The following LRRC17 variants were observed in gnomAD, a reference collection of about 807,000 sequenced individuals.
The protein encoded by LRRC17 is leucine rich repeat containing 17, also known as leucine-rich repeat-containing protein 17.
Under a neutral mutation model 41.5 loss-of-function variants are expected in LRRC17, and 33 were observed. That is an observed-to-expected ratio of 0.80 (90% CI 0.60 to 1.06). The LOEUF is 1.06. Among genes scored for constraint, LRRC17 ranks in the 50% least tolerant of loss-of-function variants. The pLI, the probability that LRRC17 is intolerant of heterozygous loss-of-function variation, is 0.00. For synonymous variants in LRRC17, 192 were observed against 197.0 expected, an observed-to-expected ratio of 0.97 and a Z score of 0.21; for missense variants, 491 against 519.3, an observed-to-expected ratio of 0.95 and a Z score of 0.53.
intron 1 of LRRC17, chr7:102,926,441 T>C (rs1563102226): frequency 8.1e-7 from 1 of 1,232,366 alleles, no homozygotes; most frequent in Non-Finnish European, 1.2e-6. Flanking sequence ...CCCATTATCT[T>C]TCTATTATCC....
chr7:102,926,664 G>A (rs1356504359), intron 1 of LRRC17, among the ~76,000 whole-genome samples: 2 of 152,068 alleles, frequency 1.3e-5, no homozygotes, highest in African/African-American at 4.8e-5. Flanking sequence ...TCTGTCACAC[G>A]AAATTTGAGC....
intron 1 of LRRC17, among the ~76,000 whole-genome samples, chr7:102,931,145 A>C (rs1225277052): frequency 6.6e-6 from 1 of 152,202 alleles, no homozygotes; most frequent in African/African-American, 2.4e-5. Context: ...TTGGGGACAA[A>C]GGGAAAGGGC....
At chr7:102,920,541 G>A (rs533851418) in intron 1 of LRRC17, among the ~76,000 whole-genome samples, 7 of 152,056 alleles carry the variant, frequency 4.6e-5, no homozygotes, top group Admixed American at 1.3e-4. Flanking sequence ...TGTAGAGATG[G>A]AGTTTTACCA....
chr7:102,913,249 T>C lies in LRRC17; in HGVS notation c.-141+104T>C, dbSNP rs768385348. The stretch of plus-strand genomic sequence containing the variant: ...ACAAAAGAGAGGAAGGAAAGTATTA[T>C]ACTTCCGTTGTTCTCTCAAATCTTT... On this transcript the variant is annotated intron_variant, in intron 1 of 3. Transcript: ENST00000339431. 2.8e-5 allele frequency: 45 copies of C among 1,612,930 alleles called. No individual in the cohort carries two copies. In the East Asian group the frequency reaches 4.5e-4, roughly 16 times the overall value.
intron 1 of LRRC17, chr7:102,931,908 C>G: frequency 1.9e-6 from 3 of 1,613,590 alleles, no homozygotes; most frequent in Non-Finnish European, 2.5e-6. Context: ...CAGAGACATT[C>G]AACTCTTGCA....
At chr7:102,933,746 T>G (rs999580310) in intron 1 of LRRC17, 28 bp from the exon 2 acceptor site, 28 of 632,738 alleles carry the variant, frequency 4.4e-5, no homozygotes, top group Non-Finnish European at 7.0e-5. Context: ...GGGCCTTAAT[T>G]TTTAATATAT....
chr7:102,922,647 T>G (rs2129471115), intron 1 of LRRC17, among the ~76,000 whole-genome samples: 1 of 152,308 alleles, frequency 6.6e-6, no homozygotes, highest in South Asian at 2.1e-4. Flanking sequence ...ATGAAACTCT[T>G]ATAAATGTAG....
chr7:102,944,337 G>A lies in LRRC17; in HGVS notation c.1056G>A (p.Trp352Ter), dbSNP rs773678508. The A allele has an allele frequency of 6.8e-6, 11 of 1,614,054 alleles. No homozygotes were observed. The highest frequency in any genetic ancestry group is 9.3e-6 in the Non-Finnish European group (11 of 1,179,964). The change falls in exon 4 of 4, where the codon TGG becomes TGA. Residue 352 changes from tryptophan to a stop codon, truncating the protein, a stop_gained. Transcript: ENST00000339431. LOFTEE classifies it high-confidence loss of function. The part of the protein sequence containing the change: ...LKLLWLRDNP[W>*]RCDYNIHYLY... The stretch of plus-strand genomic sequence containing the variant: ...TCTTGTGGCTCAGAGATAACCCTTG[G>A]AGATGTGACTACAACATTCACTACC...
At chr7:102,926,163 C>T in intron 1 of LRRC17, 3 of 796,084 alleles carry the variant, frequency 3.8e-6, no homozygotes, top group South Asian at 3.6e-5. Flanking sequence ...AGCAGTGCCA[C>T]AGTGGTGGGG....
intron 1 of LRRC17, among the ~76,000 whole-genome samples, chr7:102,921,030 T>C (rs1177018847): frequency 3.3e-5 from 5 of 152,014 alleles, no homozygotes; most frequent in African/African-American, 9.7e-5. Context: ...CGGGCACCTG[T>C]AATCCCAGCT....
chr7:102,925,897 T>A (rs1232505757), intron 1 of LRRC17, among the ~76,000 whole-genome samples: 4 of 142,706 alleles, frequency 2.8e-5, no homozygotes, highest in Non-Finnish European at 6.0e-5. Context: ...GCTAAGATCA[T>A]GCCACTGCAC....
chr7:102,918,813 T>A (rs1191912490), intron 1 of LRRC17, among the ~76,000 whole-genome samples: 1 of 152,190 alleles, frequency 6.6e-6, no homozygotes, highest in Non-Finnish European at 1.5e-5. Flanking sequence ...ACTTTGTAAG[T>A]TCAGATTTTC....
chr7:102,917,809 GC>G lies in LRRC17; in HGVS notation c.-141+4666del, dbSNP rs561678174. Reference sequence around the variant, plus strand: ...AGAGGCAGCACCACCAGGATACTGTGCCAAATGAGGTGCTGAGAGTGCCACC... The same window carrying G: ...AGAGGCAGCACCACCAGGATACTGTGCAAATGAGGTGCTGAGAGTGCCACC... On this transcript the variant is annotated intron_variant, in intron 1 of 3. Coordinates refer to ENST00000339431, the MANE Select transcript of LRRC17 (RefSeq NM_001031692.3). 3.3e-5 allele frequency among the ~76,000 whole-genome samples: 5 copies of G among 152,326 alleles called. No individual in the cohort carries two copies. The East Asian group carries it at 9.6e-4, about 29-fold the overall frequency.
intron 3 of LRRC17, chr7:102,942,443 C>A: frequency 1.9e-6 from 2 of 1,045,666 alleles, no homozygotes; most frequent in Non-Finnish European, 2.7e-6. Flanking sequence ...AAGAAGATAC[C>A]CTACTAGGGG....
Position 102,933,758 on chromosome 7 carries a change from T to G in LRRC17, c.-140-16T>G, listed in dbSNP as rs1819678216. The G allele has an allele frequency of 1.5e-6, 1 of 669,830 alleles. No homozygotes were observed. The highest frequency in any genetic ancestry group is 3.2e-5 in the Admixed American group (1 of 31,206). 41.5% of individuals were successfully genotyped at this position (669,830 alleles called of 1,614,324 possible). On this transcript the variant is annotated splice_polypyrimidine_tract_variant and intron_variant, in intron 1 of 3. Coordinates refer to ENST00000339431, the MANE Select transcript of LRRC17 (RefSeq NM_001031692.3). ...AATGGGCCTTAATTTTTAATATATA[T>G]TTTTTTCTCTTCCAGCCTAGGGACT...
intron 1 of LRRC17, among the ~76,000 whole-genome samples, chr7:102,923,598 G>A (rs1242516871): frequency 1.3e-5 from 2 of 152,014 alleles, no homozygotes; most frequent in Non-Finnish European, 2.9e-5. Flanking sequence ...TGAGGCAGGC[G>A]GATCACGAGG....
intron 2 of LRRC17, among the ~76,000 whole-genome samples, chr7:102,935,257 T>C (rs1187736003): frequency 1.5e-5 from 2 of 133,472 alleles, no homozygotes; most frequent in Non-Finnish European, 3.2e-5. Flanking sequence ...TTTTTTTTTT[T>C]TTTTTTTTTT....
At chr7:102,935,242 C>CTTTTTTT (rs71106700) in intron 2 of LRRC17, among the ~76,000 whole-genome samples, 6 of 76,402 alleles carry the variant, frequency 7.9e-5, no homozygotes, top group African/African-American at 2.3e-4. Context: ...TTTTTTCTTT[C>CTTTTTTT]TTTTTTTTTT....
intron 3 of LRRC17, among the ~76,000 whole-genome samples, chr7:102,940,266 A>G (rs1328108165): frequency 1.3e-5 from 2 of 149,432 alleles, no homozygotes; most frequent in East Asian, 2.0e-4. Context: ...CTGGAGTGCA[A>G]TGGTGCAATC....
Sources: allele counts gnomAD v4.1 joint callset (sites outside exome capture counted in the v4.1 genomes callset), GRCh38; gene constraint gnomAD v4.1.1; transcripts MANE v1.5; gene names NCBI Gene and HGNC (gene_info 2026-07-23, HGNC 2026-07-21).